The following TCEA1 variants were observed in gnomAD, a reference collection of about 807,000 sequenced individuals.
TCEA1 encodes the protein transcription elongation factor A protein 1.
Under a neutral mutation model 43.8 loss-of-function variants are expected in TCEA1, and 21 were observed. The ratio of observed to expected loss-of-function variants is 0.48; its 90% CI spans 0.34 to 0.69. The LOEUF (loss-of-function observed/expected upper bound fraction) is 0.69. TCEA1 is among the 30% of genes least tolerant of loss of function. TCEA1 has a pLI of 0.01. For synonymous variants in TCEA1, 104 were observed against 117.5 expected (o/e 0.88, Z 0.75); for missense variants, 250 against 365.1 (o/e 0.68, Z 2.57).
At chr8:53,972,500 A>T in intron 8 of TCEA1, 1 of 534,954 alleles carries the variant, frequency 1.9e-6, no homozygotes, top group Non-Finnish European at 3.8e-6. Context: ...ATGACATTAC[A>T]CATTAATTAG....
At position 53,993,435 on chromosome 8, in the gene TCEA1, T is replaced by G. The variant is rs1424486994; in HGVS notation, c.320+233A>C. 6 of 336,810 alleles carry G rather than the reference T, an allele frequency of 1.8e-5. No homozygotes were observed. In the East Asian group the frequency reaches 3.0e-4, roughly 17 times the overall value. 20.9% of individuals were successfully genotyped at this position (336,810 alleles called of 1,614,324 possible). On this transcript the variant is annotated intron_variant, in intron 4 of 9. Transcript: ENST00000521604. ...CCCCAGCAATCCCATTCAATTAAACTTGTTGAGTACAATATAAATAACTTC... is the reference window on the plus strand; with the variant it reads ...CCCCAGCAATCCCATTCAATTAAACGTGTTGAGTACAATATAAATAACTTC...
chr8:53,996,901 G>GTTTTTTTTTTTTT lies in TCEA1; in HGVS notation c.232+3043_232+3044insAAAAAAAAAAAAA, dbSNP rs1563494161. Among the ~76,000 whole-genome samples the GTTTTTTTTTTTTT allele has an allele frequency of 6.7e-5, 6 of 90,194 alleles. 1 individual carries two copies. The highest frequency in any genetic ancestry group is 5.1e-4 in the African/African-American group (6 of 11,822). 59.2% of individuals were successfully genotyped at this position (90,194 alleles called of 152,430 possible). On this transcript the variant is annotated intron_variant, in intron 3 of 9. Coordinates refer to ENST00000521604, the MANE Select transcript of TCEA1 (RefSeq NM_006756.4). Reference sequence around the variant, plus strand: ...CTAGCTAAGGGGTAAAAAGAAGGTTGTCTTTTTTTTTTTTTTTAGACAGAC... The same window carrying GTTTTTTTTTTTTT: ...CTAGCTAAGGGGTAAAAAGAAGGTTGTTTTTTTTTTTTTTCTTTTTTTTTTTTTTTAGACAGAC...
intron 3 of TCEA1, 132 bp from the exon 4 acceptor site, chr8:53,993,887 G>A: frequency 1.4e-6 from 1 of 700,972 alleles, no homozygotes; most frequent in Non-Finnish European, 2.4e-6. Flanking sequence ...GTTTGCATAA[G>A]CTATTAGCAT....
intron 1 of TCEA1, among the ~76,000 whole-genome samples, chr8:54,012,344 G>A (rs562648927): frequency 6.6e-5 from 10 of 152,126 alleles, no homozygotes; most frequent in Non-Finnish European, 1.2e-4. Context: ...GATGGATCAC[G>A]AGGTCAGGAG....
At position 53,967,484 on chromosome 8, in the gene TCEA1, G is replaced by A. The variant is rs1207511893; in HGVS notation, c.*620C>T. The A allele has an allele frequency of 4.5e-5, 9 of 199,100 alleles. No homozygotes were observed. The highest frequency in any genetic ancestry group is 9.3e-5 in the Non-Finnish European group (9 of 96,604). The allele number at this position is 199,100 out of a possible 1,614,324, so 12.3% of individuals were successfully genotyped here. A position where few individuals can be genotyped will look rare whatever the true frequency, so the allele number is the denominator to read the frequency against. ...TCTATTAAGAACAAGTAATATACAT[G>A]TACAAGAAATTACAAGAAATGATGA... On this transcript the variant is annotated 3_prime_UTR_variant, in exon 10 of 10. Coordinates refer to ENST00000521604, the MANE Select transcript of TCEA1 (RefSeq NM_006756.4).
At position 53,979,140 on chromosome 8, in the gene TCEA1, C is replaced by T. The variant is rs200499230; in HGVS notation, c.710G>A (p.Arg237Gln). The change falls in exon 8 of 10, where the codon CGG becomes CAG. Residue 237 changes from arginine to glutamine, a missense_variant. By Grantham distance (43) the Arg-to-Gln change is conservative. This residue lies in a region of TCEA1 where 46 missense variants were observed against 109.8 expected (regional missense o/e 0.42). Transcript: ENST00000521604. Reference protein sequence around the residue: ...EMASDELKEMRKNLTKEAIRE... With the variant: ...EMASDELKEMQKNLTKEAIRE... The stretch of plus-strand genomic sequence containing the variant: ...GATGGCTTCTTTGGTCAAGTTTTTC[C>T]GCATCTCTTTCAGCTCATCACTAGC... 1.1e-5 allele frequency: 18 copies of T among 1,613,740 alleles called. No individual in the cohort carries two copies. The highest frequency in any genetic ancestry group is 1.7e-5 in the Admixed American group (1 of 60,004).
chr8:53,974,789 C>T (rs185642966), intron 8 of TCEA1, among the ~76,000 whole-genome samples: 8 of 152,250 alleles, frequency 5.3e-5, no homozygotes, highest in Admixed American at 5.2e-4. Context: ...CTCAGCCTCC[C>T]AAAGTGTTGG....
At chr8:53,992,430 T>C (rs956799566) in intron 4 of TCEA1, among the ~76,000 whole-genome samples, 8 of 151,850 alleles carry the variant, frequency 5.3e-5, no homozygotes, top group Non-Finnish European at 8.8e-5. Flanking sequence ...CTGGCCAACA[T>C]AGCAAAACCC....
In TCEA1 at chr8:53,967,834, A is replaced by G. The variant is rs1803033564; in HGVS notation, c.*270T>C. ...TATATTTTCCTTTAAGAAAGAAGAA[A>G]TATTGCCAAGAGTTTAATTAATATC... On this transcript the variant is annotated 3_prime_UTR_variant, in exon 10 of 10. Coordinates refer to ENST00000521604, the MANE Select transcript of TCEA1 (RefSeq NM_006756.4). 2.7e-6 allele frequency: 1 copy of G among 365,982 alleles called. No homozygotes were observed. The highest frequency in any genetic ancestry group is 2.1e-5 in the African/African-American group (1 of 48,594). 22.7% of individuals were successfully genotyped at this position (365,982 alleles called of 1,614,324 possible).
chr8:53,974,196 A>C (rs946493466), intron 8 of TCEA1: 26 of 155,978 alleles, frequency 1.7e-4, no homozygotes, highest in African/African-American at 5.5e-4. Context: ...AAGCAAGAAA[A>C]AAAAAGTCAA....
chr8:53,978,793 C>T (rs1803413312), intron 8 of TCEA1: 1 of 406,268 alleles, frequency 2.5e-6, no homozygotes, highest in Non-Finnish European at 4.4e-6. Context: ...TAATCTCTTC[C>T]TATGCCTAAT....
chr8:54,002,910 G>T (rs1299477744), intron 2 of TCEA1: 1 of 456,150 alleles, frequency 2.2e-6, no homozygotes, highest in African/African-American at 2.0e-5. Flanking sequence ...GGTGGAGAGT[G>T]CATTAAGCAG....
chr8:53,998,792 T>C (rs1436337877), intron 3 of TCEA1, among the ~76,000 whole-genome samples: 2 of 152,112 alleles, frequency 1.3e-5, no homozygotes, highest in Non-Finnish European at 2.9e-5. Flanking sequence ...ATCATGAACC[T>C]AAGTAAACAG....
chr8:53,975,251 C>A (rs1803293701), intron 8 of TCEA1, among the ~76,000 whole-genome samples: 1 of 152,114 alleles, frequency 6.6e-6, no homozygotes, highest in Non-Finnish European at 1.5e-5. Context: ...AAAAAATTCA[C>A]TAAATATTGC....
intron 7 of TCEA1, among the ~76,000 whole-genome samples, chr8:53,981,974 G>A (rs140896502): frequency 2.1e-5 from 3 of 142,470 alleles, no homozygotes; most frequent in South Asian, 2.2e-4. Flanking sequence ...TATGTTGCCC[G>A]GGCTAGTCTC....
At chr8:53,989,166 G>A (rs750643179) in intron 4 of TCEA1, among the ~76,000 whole-genome samples, 1 of 152,106 alleles carries the variant, frequency 6.6e-6, no homozygotes, top group Non-Finnish European at 1.5e-5. Context: ...TGAGTCATGA[G>A]GCTACAAAAT....
At chr8:53,990,983 G>A (rs1481563164) in intron 4 of TCEA1, among the ~76,000 whole-genome samples, 2 of 152,136 alleles carry the variant, frequency 1.3e-5, no homozygotes, top group South Asian at 2.1e-4. Context: ...GTGTGTGTTG[G>A]GGCGGGGATG....
At chr8:53,998,599 G>A (rs528425669) in intron 3 of TCEA1, among the ~76,000 whole-genome samples, 16 of 152,026 alleles carry the variant, frequency 1.1e-4, no homozygotes, top group South Asian at 4.1e-4. Context: ...ACAAAATTGC[G>A]TTTAATTTTC....
intron 1 of TCEA1, among the ~76,000 whole-genome samples, chr8:54,017,162 GTGA>G (rs1804858768): frequency 6.6e-6 from 1 of 152,112 alleles, no homozygotes; most frequent in Admixed American, 6.5e-5. Context: ...TGAATGAGGA[GTGA>G]CTGCTTAATA....
Sources: gnomAD v4.1 joint callset for allele counts (sites outside exome capture counted in the v4.1 genomes callset) on GRCh38, gnomAD v4.1.1 for gene constraint, gnomAD v4.1.1 regional missense constraint, MANE v1.5 for transcripts, NCBI Gene and HGNC (gene_info 2026-07-23, HGNC 2026-07-21) for gene names.